The following WNK3 variants were observed in gnomAD, a reference collection of about 807,000 sequenced individuals.
The protein encoded by WNK3 is WNK lysine deficient protein kinase 3.
WNK3 carries 18 observed loss-of-function variants against 116.7 expected under a neutral mutation model. That is an observed-to-expected ratio of 0.15 (90% CI 0.11 to 0.23). The LOEUF is 0.23. WNK3 is among the 10% of genes least tolerant of loss of function. The pLI, the probability that WNK3 is intolerant of heterozygous loss-of-function variation, is 1.00. For synonymous variants in WNK3, 404 were observed against 469.4 expected, an observed-to-expected ratio of 0.86 and a Z score of 1.80; for missense variants, 993 against 1,323.8, an observed-to-expected ratio of 0.75 and a Z score of 3.88.
intron 10 of WNK3, among the ~76,000 whole-genome samples, chrX:54,285,528 C>T (rs188027890): frequency 8.9e-6 from 1 of 112,681 alleles, no homozygotes; most frequent in Non-Finnish European, 1.9e-5. Context: ...GTGGGCAAGC[C>T]ACAGCCTTCA....
At position 54,243,186 on chromosome X, in the gene WNK3, C is replaced by T. The variant is rs782460857; in HGVS notation, c.3652-4087G>A. Among the ~76,000 whole-genome samples, 5 of 107,185 alleles carry T rather than the reference C, an allele frequency of 4.7e-5. No individual in the cohort carries two copies. In the South Asian group the frequency reaches 1.7e-3, roughly 37 times the overall value. The allele number at this position is 107,185 out of a possible 115,157, so 93.1% of individuals were successfully genotyped here. ...ATTCCAGCACTCTGGGAGGCCGAGG[C>T]GGGCGGATCACGAGGTCAGGAGATC... On this transcript the variant is annotated intron_variant, in intron 17 of 23. Coordinates refer to ENST00000354646, the Ensembl canonical transcript of WNK3.
At chrX:54,340,234 A>G (rs2069302362) in intron 1 of WNK3, among the ~76,000 whole-genome samples, 1 of 111,995 alleles carries the variant, frequency 8.9e-6, no homozygotes, top group African/African-American at 3.2e-5. Context: ...CCTTCAAGAA[A>G]GAGGTGAAGA....
intron 10 of WNK3, among the ~76,000 whole-genome samples, chrX:54,273,892 A>C (rs1426567309): frequency 9.0e-6 from 1 of 111,424 alleles, no homozygotes; most frequent in Non-Finnish European, 1.9e-5. Context: ...AATAGTGAGC[A>C]GCAAGGAAAT....
At chrX:54,300,953 G>A (rs934329736) in intron 6 of WNK3, among the ~76,000 whole-genome samples, 7 of 111,491 alleles carry the variant, frequency 6.3e-5, no homozygotes, top group Non-Finnish European at 1.1e-4. Flanking sequence ...TGAAACTAAA[G>A]GGAGGCAGGT....
At chrX:54,290,136 C>A (rs2147099590) in intron 10 of WNK3, among the ~76,000 whole-genome samples, 1 of 111,138 alleles carries the variant, frequency 9.0e-6, no homozygotes, top group Non-Finnish European at 1.9e-5. Context: ...ATTGGCCAGG[C>A]ATGCTGGTGT....
intron 22 of WNK3, among the ~76,000 whole-genome samples, chrX:54,204,238 G>A (rs996931820): frequency 1.8e-5 from 2 of 110,513 alleles, no homozygotes; most frequent in African/African-American, 3.3e-5. Flanking sequence ...TCACACCTCA[G>A]CCTCCCGAGT....
intron 1 of WNK3, among the ~76,000 whole-genome samples, chrX:54,347,171 C>T (rs2147325464): frequency 8.9e-6 from 1 of 112,257 alleles, no homozygotes; most frequent in South Asian, 3.7e-4. Context: ...ATACACTTAT[C>T]TAAGCCCTAG....
chrX:54,241,466 T>G (rs782756400), intron 17 of WNK3, among the ~76,000 whole-genome samples: 1 of 111,565 alleles, frequency 9.0e-6, no homozygotes, highest in East Asian at 2.8e-4. Context: ...TAACACAGAA[T>G]AAGACTTCAA....
chrX:54,323,816 A>G (rs1482020890), intron 2 of WNK3, among the ~76,000 whole-genome samples: 3 of 111,123 alleles, frequency 2.7e-5, no homozygotes, highest in African/African-American at 9.8e-5. Flanking sequence ...TTTTCTCCCC[A>G]TTATGTCCCT....
chrX:54,280,774 CT>C (rs2068507428), intron 10 of WNK3, among the ~76,000 whole-genome samples: 1 of 109,967 alleles, frequency 9.1e-6, no homozygotes, highest in African/African-American at 3.3e-5. Context: ...ACACTGGGGA[CT>C]ATGAGAGGGG....
intron 1 of WNK3, among the ~76,000 whole-genome samples, chrX:54,336,990 T>C (rs1203609509): frequency 9.0e-6 from 1 of 111,308 alleles, no homozygotes; most frequent in Non-Finnish European, 1.9e-5. Flanking sequence ...ATAAGACTAG[T>C]ATTGTATGCA....
At chrX:54,237,383 A>G (rs1557150451) in exon 20 of WNK3, 1 of 1,208,713 alleles carries the variant, frequency 8.3e-7, no homozygotes, top group South Asian at 1.8e-5. Flanking sequence ...TTCTCATAAG[A>G]AAACGAAGTT....
intron 22 of WNK3, among the ~76,000 whole-genome samples, chrX:54,217,595 C>T (rs1056881476): frequency 9.1e-6 from 1 of 109,877 alleles, no homozygotes; most frequent in Admixed American, 9.9e-5. Flanking sequence ...GCACTCCAGT[C>T]TGGTGACAGA....
intron 23 of WNK3, among the ~76,000 whole-genome samples, chrX:54,199,061 T>C (rs2067476556): frequency 8.9e-6 from 1 of 111,776 alleles, no homozygotes; most frequent in Non-Finnish European, 1.9e-5. Flanking sequence ...TATTAGTTTA[T>C]AGATAACCTG....
intron 22 of WNK3, among the ~76,000 whole-genome samples, chrX:54,205,740 TAA>T (rs1400059698): frequency 8.9e-6 from 1 of 112,486 alleles, no homozygotes; most frequent in Non-Finnish European, 1.9e-5. Context: ...TGATTTCATT[TAA>T]AAGTTATTCA....
Position 54,228,616 on chromosome X carries a change from ATAAGT to A in WNK3, c.4870+93_4870+97del, listed in dbSNP as rs1324409119. On this transcript the variant is annotated intron_variant, in intron 22 of 23. Transcript: ENST00000354646. ...ATAGCTGCACAAGTCTGTAAATTGTATAAGTTAAATGAGTGAACATTATGATATGT... is the reference window on the plus strand; with the variant it reads ...ATAGCTGCACAAGTCTGTAAATTGTATAAATGAGTGAACATTATGATATGT... 4 of 394,713 alleles carry A rather than the reference ATAAGT, an allele frequency of 1.0e-5. No individual in the cohort carries two copies. The African/African-American group carries it at 1.0e-4, about 10-fold the overall frequency. The allele number at this position is 394,713 out of a possible 1,213,427, so 32.5% of individuals were successfully genotyped here.
At chrX:54,326,542 A>G (rs2069107842) in intron 2 of WNK3, among the ~76,000 whole-genome samples, 1 of 111,269 alleles carries the variant, frequency 9.0e-6, no homozygotes, top group African/African-American at 3.3e-5. Flanking sequence ...CATCTCTACA[A>G]AAATTAAAGA....
intron 22 of WNK3, among the ~76,000 whole-genome samples, chrX:54,219,190 T>C (rs1557146041): frequency 1.8e-5 from 2 of 110,912 alleles, no homozygotes; most frequent in East Asian, 2.8e-4. Context: ...CATAATCAAA[T>C]TGATGAAAAT....
At chrX:54,336,116 C>A (rs2069231969) in intron 1 of WNK3, among the ~76,000 whole-genome samples, 1 of 111,596 alleles carries the variant, frequency 9.0e-6, no homozygotes, top group African/African-American at 3.3e-5. Flanking sequence ...ATGGTGAAAC[C>A]CCATCTCTAT....
Sources: allele counts gnomAD v4.1 joint callset (sites outside exome capture counted in the v4.1 genomes callset), GRCh38; gene constraint gnomAD v4.1.1; transcripts MANE v1.5; gene names NCBI Gene and HGNC (gene_info 2026-07-23, HGNC 2026-07-21).